THSD7A: variants seen among roughly 807,000 people sequenced by gnomAD.
THSD7A encodes thrombospondin type 1 domain containing 7A, also known as thrombospondin type-1 domain-containing protein 7A.
A neutral mutation model predicts 231.3 loss-of-function variants in THSD7A; 96 were observed. The ratio of observed to expected loss-of-function variants is 0.41; its 90% CI spans 0.35 to 0.49. The LOEUF is 0.49. Among genes scored for constraint, THSD7A ranks in the 20% least tolerant of loss-of-function variants. The pLI, the probability that THSD7A is intolerant of heterozygous loss-of-function variation, is 0.05. For synonymous variants in THSD7A, 940 were observed against 743.3 expected, an observed-to-expected ratio of 1.26 and a Z score of -4.30; for missense variants, 2,290 against 2,070.2, an observed-to-expected ratio of 1.11 and a Z score of -2.06.
chr7:11,831,074 G>A lies in THSD7A; in HGVS notation c.190+683C>T, dbSNP rs1369138820. 6.6e-6 allele frequency among the ~76,000 whole-genome samples: 1 copy of A among 152,100 alleles called. No individual in the cohort carries two copies. The highest frequency in any genetic ancestry group is 6.6e-5 in the Admixed American group (1 of 15,266). ...AGAAACTCCAAGCATTTTGCCAATG[G>A]GTAATGATGGGCAGTTAGTAGCTGC... is the stretch of plus-strand genomic sequence containing the variant. On this transcript the variant is annotated intron_variant, in intron 1 of 27. Transcript: ENST00000423059. This position sits in a 1 kb window ranked among gnomAD's most constrained non-coding sequence, Gnocchi z 5.0.
At chr7:11,700,362 G>A (rs1219732929) in intron 1 of THSD7A, among the ~76,000 whole-genome samples, 1 of 151,140 alleles carries the variant, frequency 6.6e-6, no homozygotes, top group Non-Finnish European at 1.5e-5. Flanking sequence ...TACTTGAAAG[G>A]TTATAACTTT....
intron 11 of THSD7A, among the ~76,000 whole-genome samples, chr7:11,459,883 C>G (rs954946522): frequency 1.3e-5 from 2 of 151,616 alleles, no homozygotes; most frequent in Admixed American, 1.3e-4. Flanking sequence ...TAAAGTTGCT[C>G]GCATATTCAA....
chr7:11,467,275 G>C (rs1171327345), intron 9 of THSD7A, among the ~76,000 whole-genome samples: 1 of 151,948 alleles, frequency 6.6e-6, no homozygotes, highest in East Asian at 1.9e-4. Flanking sequence ...TAATATATTT[G>C]CTCTGACATG....
intron 23 of THSD7A, among the ~76,000 whole-genome samples, chr7:11,392,572 C>G (rs890553549): frequency 6.6e-6 from 1 of 152,178 alleles, no homozygotes; most frequent in Admixed American, 6.5e-5. Flanking sequence ...AGCCAGGGAG[C>G]TGAGTGGACT....
chr7:11,410,990 C>A (rs1236472473), intron 19 of THSD7A, among the ~76,000 whole-genome samples: 1 of 151,704 alleles, frequency 6.6e-6, no homozygotes, highest in African/African-American at 2.4e-5. Flanking sequence ...AATTAGCATA[C>A]CTTTGGGCTC....
intron 6 of THSD7A, among the ~76,000 whole-genome samples, chr7:11,521,236 T>C (rs1029929484): frequency 1.3e-5 from 2 of 152,134 alleles, no homozygotes; most frequent in African/African-American, 4.8e-5. Flanking sequence ...CCATTAGAAG[T>C]ACTTCCTTCT....
At chr7:11,653,820 T>C (rs1385231097) in intron 1 of THSD7A, among the ~76,000 whole-genome samples, 2 of 151,978 alleles carry the variant, frequency 1.3e-5, no homozygotes, top group African/African-American at 4.8e-5. Flanking sequence ...CTAAAATAAG[T>C]ATCAAACATT....
chr7:11,613,749 C>T lies in THSD7A; in HGVS notation c.1023-20247G>A, dbSNP rs369717612. Among the ~76,000 whole-genome samples the T allele has an allele frequency of 7.9e-5, 12 of 152,268 alleles. No individual in the cohort carries two copies. The South Asian group carries it at 1.2e-3, about 16-fold the overall frequency. On this transcript the variant is annotated intron_variant, in intron 2 of 27. Coordinates refer to ENST00000423059, the MANE Select transcript of THSD7A (RefSeq NM_015204.3). Reference sequence around the variant, plus strand: ...GCCACACTCTGGGTGAACAATTCTACGATCAGCAGTAAATTGAGCACTGAA... The same window carrying T: ...GCCACACTCTGGGTGAACAATTCTATGATCAGCAGTAAATTGAGCACTGAA...
chr7:11,631,860 G>A (rs1781667332), intron 2 of THSD7A, among the ~76,000 whole-genome samples: 1 of 152,120 alleles, frequency 6.6e-6, no homozygotes, highest in Admixed American at 6.5e-5. Flanking sequence ...GGAGGAGGAG[G>A]CTCAATCCTG....
chr7:11,587,145 C>A (rs1186010576), intron 4 of THSD7A, among the ~76,000 whole-genome samples: 1 of 152,084 alleles, frequency 6.6e-6, no homozygotes, highest in African/African-American at 2.4e-5. Flanking sequence ...CTAAAAAAAT[C>A]AATTTACTTC....
At chr7:11,448,889 G>C (rs928116661) in intron 11 of THSD7A, among the ~76,000 whole-genome samples, 1 of 152,028 alleles carries the variant, frequency 6.6e-6, no homozygotes, top group Non-Finnish European at 1.5e-5. Flanking sequence ...AAAAGAACAG[G>C]GGCCCCTAAA....
At chr7:11,796,343 TG>T (rs67893040) in intron 1 of THSD7A, among the ~76,000 whole-genome samples, 39,029 of 149,034 alleles carry the variant, frequency 0.26, 6,539 homozygotes, top group African/African-American at 0.47. Flanking sequence ...CCATCCACTT[TG>T]AAAAAAAAAG....
chr7:11,708,334 C>A (rs1486533103), intron 1 of THSD7A, among the ~76,000 whole-genome samples: 2 of 150,576 alleles, frequency 1.3e-5, no homozygotes, highest in African/African-American at 4.9e-5. Context: ...TTTGTTCATG[C>A]TTTTCAAAGG....
At chr7:11,558,793 A>G (rs910605262) in intron 4 of THSD7A, among the ~76,000 whole-genome samples, 3 of 152,172 alleles carry the variant, frequency 2.0e-5, no homozygotes, top group Non-Finnish European at 4.4e-5. Flanking sequence ...CAAAAGTTCT[A>G]TGCCTTAATC....
intron 16 of THSD7A, 110 bp downstream of exon 16, chr7:11,424,586 A>T: frequency 1.4e-6 from 2 of 1,470,576 alleles, no homozygotes; most frequent in Admixed American, 4.0e-5. Context: ...GCAAAACTGC[A>T]GACAATTTTA....
At chr7:11,391,544 C>A (rs1782981163) in intron 23 of THSD7A, among the ~76,000 whole-genome samples, 1 of 152,220 alleles carries the variant, frequency 6.6e-6, no homozygotes, top group Admixed American at 6.5e-5. Context: ...GAGTGTGGCA[C>A]CTGCCCAGCC....
chr7:11,636,270 T>C lies in THSD7A; in HGVS notation c.882A>G (p.Pro294=). 6.2e-7 allele frequency: 1 copy of C among 1,614,054 alleles called. No individual in the cohort carries two copies. Among genetic ancestry groups the C allele is most frequent in the Non-Finnish European group, 8.5e-7 (1 of 1,179,892 alleles). The change falls in exon 2 of 28, where the codon CCA becomes CCG. Residue 294 remains proline (P), a synonymous_variant. Coordinates refer to ENST00000423059, the MANE Select transcript of THSD7A (RefSeq NM_015204.3). The surrounding 1 kb of genome is among the most constrained non-coding windows in gnomAD (Gnocchi z 10.0). The part of the protein sequence containing the change: ...EKDRSKGVKD[P]EARELIKKKR... ...TTTTCTTAATAAGCTCGCGGGCTTC[T>C]GGATCCTTTACTCCTTTGCTGCGGT...
intron 16 of THSD7A, among the ~76,000 whole-genome samples, chr7:11,420,617 C>A (rs1012360019): frequency 1.3e-5 from 2 of 152,204 alleles, no homozygotes; most frequent in African/African-American, 4.8e-5. Flanking sequence ...TGGGCCCCCC[C>A]ACACAGAGTC....
At chr7:11,492,617 C>T (rs1786942860) in intron 6 of THSD7A, among the ~76,000 whole-genome samples, 1 of 151,860 alleles carries the variant, frequency 6.6e-6, no homozygotes, top group African/African-American at 2.4e-5. Flanking sequence ...TGGCACAGTT[C>T]ATAAAGGAAA....
Sources: allele counts gnomAD v4.1 joint callset (sites outside exome capture counted in the v4.1 genomes callset), GRCh38; gene constraint gnomAD v4.1.1; non-coding constraint Gnocchi (gnomAD v3.1); transcripts MANE v1.5; gene names NCBI Gene and HGNC (gene_info 2026-07-23, HGNC 2026-07-21).